Variants in DOC2A observed in about 807,000 individuals in gnomAD.
The protein encoded by DOC2A is double C2-like domain-containing protein alpha.
DOC2A carries 28 observed loss-of-function variants against 40.6 expected under a neutral mutation model. The ratio of observed to expected loss-of-function variants is 0.69; its 90% CI spans 0.51 to 0.95. The LOEUF (loss-of-function observed/expected upper bound fraction) is 0.95. Among genes scored for constraint, DOC2A ranks in the 40% least tolerant of loss-of-function variants. DOC2A has a pLI of 0.00. For missense variants in DOC2A, 474 were observed against 552.5 expected, an observed-to-expected ratio of 0.86 and a Z score of 1.42; for synonymous variants, 241 against 236.9, an observed-to-expected ratio of 1.02 and a Z score of -0.16.
chr16:30,021,829 T>A (rs969295561), upstream of DOC2A: 10 of 151,964 alleles, frequency 6.6e-5, 1 homozygote, highest in Admixed American at 4.6e-4. Flanking sequence ...CCTGTGCCCC[T>A]GGATCTGCGG....
In DOC2A at chr16:30,009,882, G is replaced by T; in HGVS notation, c.262+79C>A. The T allele has an allele frequency of 6.4e-7, 1 of 1,563,336 alleles. No individual in the cohort carries two copies. Among genetic ancestry groups the T allele is most frequent in the East Asian group, 2.3e-5 (1 of 44,198 alleles). Reference sequence around the variant, plus strand: ...CCTACCTACATGCACAGCCAGCAGGGCCCATCCCCCTCTCCCCCCACCACG... The same window carrying T: ...CCTACCTACATGCACAGCCAGCAGGTCCCATCCCCCTCTCCCCCCACCACG... On this transcript the variant is annotated intron_variant, in intron 2 of 10. Transcript: ENST00000350119. The surrounding 1 kb of genome is among the most constrained non-coding windows in gnomAD (Gnocchi z 4.1).
upstream of DOC2A, among the ~76,000 whole-genome samples, chr16:30,022,793 G>A (rs569652744): frequency 3.9e-5 from 6 of 152,158 alleles, no homozygotes; most frequent in Admixed American, 1.3e-4. Context: ...AAAATTAGCC[G>A]GGTGTGGTGG....
At position 30,009,538 on chromosome 16, in the gene DOC2A, C is replaced by T; in HGVS notation, c.282G>A (p.Glu94=). 1 of 1,551,476 alleles carries T rather than the reference C, an allele frequency of 6.4e-7. No homozygotes were observed. The highest frequency in any genetic ancestry group is 8.7e-7 in the Non-Finnish European group (1 of 1,146,980). Residue 94 remains glutamate, a synonymous_variant, in exon 3 of 11, where the codon GAG becomes GAA. Transcript: ENST00000350119. The surrounding 1 kb of genome is among the most constrained non-coding windows in gnomAD (Gnocchi z 4.1). ...SDDATALGTL[E]FDLLYDRASC... is the part of the protein sequence containing the mutation. Reference sequence around the variant, plus strand: ...AGGCCCGGTCGTAGAGAAGGTCAAACTCCAGCGTGCCTAGGGCGGCTGGAG... The same window carrying T: ...AGGCCCGGTCGTAGAGAAGGTCAAATTCCAGCGTGCCTAGGGCGGCTGGAG...
chr16:30,009,180 C>T lies in DOC2A; in HGVS notation c.417+22G>A, dbSNP rs1170600413. On this transcript the variant is annotated intron_variant, in intron 4 of 10. Transcript: ENST00000350119. The surrounding 1 kb of genome is among the most constrained non-coding windows in gnomAD (Gnocchi z 4.1). ...GGCTGGAGTCATGGGCTGGGCCGGGCGGGGCGAGAGGAGGCTGTTACCTTA... is the reference window on the plus strand; with the variant it reads ...GGCTGGAGTCATGGGCTGGGCCGGGTGGGGCGAGAGGAGGCTGTTACCTTA... 47 of 1,257,612 alleles carry T rather than the reference C, an allele frequency of 3.7e-5. No homozygotes were observed. Among genetic ancestry groups the T allele is most frequent in the East Asian group, 6.9e-5 (2 of 29,146 alleles). 77.9% of individuals were successfully genotyped at this position (1,257,612 alleles called of 1,614,324 possible).
rs2070760262 is a variant in DOC2A, at chr16:30,010,902, C to T, written c.-14+1G>A. ...CGGCCTGCCCAGCCCCCTGCACCTG[C>T]CTCTGCCTCCAACAGGTGCCCAGGC... On this transcript the variant is annotated splice_donor_variant, in intron 1 of 10. Coordinates refer to ENST00000350119, the MANE Select transcript of DOC2A (RefSeq NM_003586.3). LOFTEE classifies it low-confidence loss of function (5UTR_SPLICE). This position sits in a 1 kb window ranked among gnomAD's most constrained non-coding sequence, Gnocchi z 4.2. 2 of 1,020,510 alleles carry T rather than the reference C, an allele frequency of 2.0e-6. No individual in the cohort carries two copies. The highest frequency in any genetic ancestry group is 9.9e-4 in the Middle Eastern group (2 of 2,014). 63.2% of individuals were successfully genotyped at this position (1,020,510 alleles called of 1,614,324 possible).
At chr16:30,011,975 G>T (rs2070789568), upstream of DOC2A, among the ~76,000 whole-genome samples, 1 of 151,780 alleles carries the variant, frequency 6.6e-6, no homozygotes, top group African/African-American at 2.4e-5. Flanking sequence ...CCCAAACCTT[G>T]CCACCCCCAA....
rs1452812994 is a variant in DOC2A, at chr16:30,009,367, AG to A, written c.343-92del. On this transcript the variant is annotated intron_variant, in intron 3 of 10. Coordinates refer to ENST00000350119, the MANE Select transcript of DOC2A (RefSeq NM_003586.3). The surrounding 1 kb of genome is among the most constrained non-coding windows in gnomAD (Gnocchi z 4.1). ...CTGGACCCTGGAGGAGCCCAGAAGG[AG>A]GGGGCAAGGGCAGGACGAAGGAGCA... is the stretch of plus-strand genomic sequence containing the variant. 5.4e-6 allele frequency: 8 copies of A among 1,485,988 alleles called. No homozygotes were observed. In the African/African-American group the frequency reaches 1.1e-4, roughly 21 times the overall value. The allele number at this position is 1,485,988 out of a possible 1,614,324, so 92.1% of individuals were successfully genotyped here. A position where few individuals can be genotyped will look rare whatever the true frequency, so the allele number is the denominator to read the frequency against.
upstream of DOC2A, among the ~76,000 whole-genome samples, chr16:30,016,050 T>TAC (rs1156260357): frequency 0.031 from 822 of 26,420 alleles, 18 homozygotes; most frequent in Non-Finnish European, 0.052. Flanking sequence ...TATATATATA[T>TAC]ATATATTTTT....
chr16:30,006,668 C>T lies in DOC2A; in HGVS notation c.888G>A (p.Arg296=). 6.2e-7 allele frequency: 1 copy of T among 1,613,780 alleles called. No homozygotes were observed. Among genetic ancestry groups the T allele is most frequent in the Non-Finnish European group, 8.5e-7 (1 of 1,179,976 alleles). The change falls in exon 9 of 11, where the codon AGG becomes AGA. Residue 296 remains arginine, a synonymous_variant. Transcript: ENST00000350119. The surrounding 1 kb of genome is among the most constrained non-coding windows in gnomAD (Gnocchi z 6.2). ...GCTTGGATTTCTTGTCCACATCGGG[C>T]CTCAGGTACCTGGGGGTGGGGTGGA... ...YSDPYVKTYL[R]PDVDKKSKHK... is the part of the protein sequence containing the mutation.
Position 30,010,062 on chromosome 16 carries a change from G to C in DOC2A, c.161C>G (p.Ala54Gly). The C allele has an allele frequency of 2.5e-6, 4 of 1,611,312 alleles. No homozygotes were observed. Among genetic ancestry groups the C allele is most frequent in the Non-Finnish European group, 3.4e-6 (4 of 1,178,988 alleles). The change falls in exon 2 of 11, where the codon GCC becomes GGC. Residue 54 changes from alanine (A) to glycine (G), a missense_variant. Coordinates refer to ENST00000350119, the MANE Select transcript of DOC2A (RefSeq NM_003586.3). This position sits in a 1 kb window ranked among gnomAD's most constrained non-coding sequence, Gnocchi z 4.2. ...GGCCAGAGCCAGGGGGACCAGATGGGCGGGGGCCTCCCCGCCGCCCCCGCC... is the reference window on the plus strand; with the variant it reads ...GGCCAGAGCCAGGGGGACCAGATGGCCGGGGGCCTCCCCGCCGCCCCCGCC... ...GGGGGGGEAP[A>G]HLVPLALAPP...
chr16:30,016,020 AATATATATATATAT>A (rs1161591964), upstream of DOC2A, among the ~76,000 whole-genome samples: 61 of 61,156 alleles, frequency 1.0e-3, 1 homozygote, highest in South Asian at 1.7e-3. Flanking sequence ...CCAGCACAAT[AATATATATATATAT>A]ATATATATAT....
At chr16:30,014,459 C>A (rs910152400), upstream of DOC2A, among the ~76,000 whole-genome samples, 1 of 151,032 alleles carries the variant, frequency 6.6e-6, no homozygotes, top group African/African-American at 2.4e-5. Context: ...CACGGTGAAA[C>A]CCCATCTCTA....
chr16:30,006,608 T>TGG lies in DOC2A; in HGVS notation c.946_947dup (p.Glu317GlnfsTer11). On this transcript the variant is annotated frameshift_variant, in exon 9 of 11. Coordinates refer to ENST00000350119, the MANE Select transcript of DOC2A (RefSeq NM_003586.3). LOFTEE classifies it high-confidence loss of function. The surrounding 1 kb of genome is among the most constrained non-coding windows in gnomAD (Gnocchi z 6.2). ...CCCTCCTGGGTACCTCGTTAAATTCTGGGTTGAGAGTCTTCTTCTTCACAC... is the reference window on the plus strand; with the variant it reads ...CCCTCCTGGGTACCTCGTTAAATTCTGGGGGTTGAGAGTCTTCTTCTTCACAC... 1 of 1,613,730 alleles carries TGG rather than the reference T, an allele frequency of 6.2e-7. No individual in the cohort carries two copies.
chr16:30,006,939 C>T lies in DOC2A; in HGVS notation c.724G>A (p.Ala242Thr). The T allele has an allele frequency of 6.2e-7, 1 of 1,612,860 alleles. No homozygotes were observed. The highest frequency in any genetic ancestry group is 1.1e-5 in the South Asian group (1 of 90,960). ...ISCYLKELEQ[A>T]EQGQGLLEER... Reference sequence around the variant, plus strand: ...TCCAGCAGCCCCTGCCCCTGCTCCGCCTGCTCCAACTGCGGGGCACAGACT... The same window carrying T: ...TCCAGCAGCCCCTGCCCCTGCTCCGTCTGCTCCAACTGCGGGGCACAGACT... Residue 242 changes from alanine (A) to threonine (T), a missense_variant, in exon 8 of 11, where the codon GCG becomes ACG. Physicochemically the swap from Ala to Thr is moderately conservative, Grantham distance 58. Coordinates refer to ENST00000350119, the MANE Select transcript of DOC2A (RefSeq NM_003586.3). This position sits in a 1 kb window ranked among gnomAD's most constrained non-coding sequence, Gnocchi z 6.2.
At chr16:30,020,168 C>G (rs2150964825) in intron 1 of DOC2A, among the ~76,000 whole-genome samples, 1 of 152,238 alleles carries the variant, frequency 6.6e-6, no homozygotes. Context: ...CTCGGCCTCC[C>G]AAAGTGCTGG....
Position 30,006,148 on chromosome 16 carries a change from C to T in DOC2A, c.*38G>A, listed in dbSNP as rs2150949967. ...CTCGTGCGAAGGTTGGGTACTGGAC[C>T]CGGCTCGATGGGCCTGTGCCGGGAC... On this transcript the variant is annotated 3_prime_UTR_variant, in exon 11 of 11. Coordinates refer to ENST00000350119, the MANE Select transcript of DOC2A (RefSeq NM_003586.3). The surrounding 1 kb of genome is among the most constrained non-coding windows in gnomAD (Gnocchi z 6.2). The T allele has an allele frequency of 1.3e-6, 2 of 1,549,654 alleles. No individual in the cohort carries two copies. Among genetic ancestry groups the T allele is most frequent in the East Asian group, 4.8e-5 (2 of 41,990 alleles).
Position 30,010,778 on chromosome 16 carries a change from C to T in DOC2A, c.-14+125G>A, listed in dbSNP as rs971012686. 2.9e-6 allele frequency: 2 copies of T among 684,852 alleles called. No homozygotes were observed. Among genetic ancestry groups the T allele is most frequent in the Non-Finnish European group, 3.7e-6 (2 of 546,752 alleles). The allele number at this position is 684,852 out of a possible 1,614,324, so 42.4% of individuals were successfully genotyped here. ...TGGAGACCCCAGCCTCAGATGCCAC[C>T]TCTGGCTCCTCAGGGGAGCCAGAAA... On this transcript the variant is annotated intron_variant, in intron 1 of 10. Coordinates refer to ENST00000350119, the MANE Select transcript of DOC2A (RefSeq NM_003586.3). The surrounding 1 kb of genome is among the most constrained non-coding windows in gnomAD (Gnocchi z 4.2).
rs549772246 is a variant in DOC2A, at chr16:30,009,660, C to T, written c.263-103G>A. Reference sequence around the variant, plus strand: ...TGTGTGTCTCTCTCTCTTGCCAGCCCGCGAGTGTGAGTGCAAGAGGCTGAG... The same window carrying T: ...TGTGTGTCTCTCTCTCTTGCCAGCCTGCGAGTGTGAGTGCAAGAGGCTGAG... On this transcript the variant is annotated intron_variant, in intron 2 of 10. Coordinates refer to ENST00000350119, the MANE Select transcript of DOC2A (RefSeq NM_003586.3). The surrounding 1 kb of genome is among the most constrained non-coding windows in gnomAD (Gnocchi z 4.1). The T allele has an allele frequency of 1.1e-5, 13 of 1,155,396 alleles. No homozygotes were observed. Among genetic ancestry groups the T allele is most frequent in the East Asian group, 7.7e-5 (3 of 39,118 alleles). The allele number at this position is 1,155,396 out of a possible 1,614,324, so 71.6% of individuals were successfully genotyped here.
At chr16:30,019,892 G>A (rs2070892719) in intron 1 of DOC2A, among the ~76,000 whole-genome samples, 1 of 151,310 alleles carries the variant, frequency 6.6e-6, no homozygotes, top group Non-Finnish European at 1.5e-5. Flanking sequence ...GTACCACCAT[G>A]CCTAGTTAAT....
Sources: allele counts gnomAD v4.1 joint callset (sites outside exome capture counted in the v4.1 genomes callset), GRCh38; gene constraint gnomAD v4.1.1; non-coding constraint Gnocchi (gnomAD v3.1); transcripts MANE v1.5; gene names NCBI Gene and HGNC (gene_info 2026-07-23, HGNC 2026-07-21).